CDKN2C: variants seen among roughly 807,000 people sequenced by gnomAD.
The protein encoded by CDKN2C is cyclin-dependent kinase 4 inhibitor C.
Under a neutral mutation model 11.0 loss-of-function variants are expected in CDKN2C, and 5 were observed. That is an observed-to-expected ratio of 0.45 (90% CI 0.24 to 0.95). The LOEUF (loss-of-function observed/expected upper bound fraction) is 0.95, where lower values mean the gene tolerates loss of function less well. Ranked by LOEUF, CDKN2C falls within the 40% of genes least tolerant of loss-of-function variation. The pLI is 0.21. For synonymous variants in CDKN2C, 79 were observed against 88.3 expected (o/e 0.89, Z 0.59); for missense variants, 161 against 211.9 (o/e 0.76, Z 1.49).
In CDKN2C at chr1:50,970,353, G is replaced by A. The variant is rs763757869; in HGVS notation, c.-16G>A. On this transcript the variant is annotated 5_prime_UTR_variant, in exon 1 of 2. Transcript: ENST00000371761. ...ACGACTAATTCATCTTTTCCTGATCGTCAGGACCCTAAAGAATGGCCGAGC... is the reference window on the plus strand; with the variant it reads ...ACGACTAATTCATCTTTTCCTGATCATCAGGACCCTAAAGAATGGCCGAGC... 6.8e-6 allele frequency: 11 copies of A among 1,613,800 alleles called. No homozygotes were observed. Among genetic ancestry groups the A allele is most frequent in the East Asian group, 6.7e-5 (3 of 44,898 alleles).
At chr1:50,960,906 A>G (rs1351972472) in intron 1 of CDKN2C, 2 of 152,190 alleles carry the variant, frequency 1.3e-5, no homozygotes, top group African/African-American at 4.8e-5. Context: ...CCAAAGGGGG[A>G]AAAAAGGGAA....
At chr1:50,967,249 T>G (rs1645351099), upstream of CDKN2C, among the ~76,000 whole-genome samples, 1 of 152,222 alleles carries the variant, frequency 6.6e-6, no homozygotes, top group Non-Finnish European at 1.5e-5. Context: ...TATTATTTAT[T>G]TCTTACTGGT....
At chr1:50,969,119 G>C (rs1028450464), upstream of CDKN2C, 2 of 152,506 alleles carry the variant, frequency 1.3e-5, no homozygotes, top group Non-Finnish European at 2.9e-5. This position sits in a 1 kb window ranked among gnomAD's most constrained non-coding sequence, Gnocchi z 6.6. Flanking sequence ...GTGGCACCGG[G>C]CGCCGAGGCT....
rs2147958570 is a variant in CDKN2C, at chr1:50,974,142, G to A, written c.379G>A (p.Ala127Thr). 6.2e-7 allele frequency: 1 copy of A among 1,614,186 alleles called. No homozygotes were observed. Among genetic ancestry groups the A allele is most frequent in the Non-Finnish European group, 8.5e-7 (1 of 1,180,028 alleles). The change falls in exon 2 of 2, where the codon GCC becomes ACC. Residue 127 changes from alanine to threonine, a missense_variant. Transcript: ENST00000371761. ...RVVEFLVKHTASNVGHRNHKG... is the reference protein window; with the variant it reads ...RVVEFLVKHTTSNVGHRNHKG... ...GGTGGAGTTCCTGGTGAAGCACACG[G>A]CCAGCAATGTGGGGCATCGGAACCA...
intron 1 of CDKN2C, 146 bp downstream of exon 1, chr1:50,970,643 T>C (rs1645374694): frequency 1.2e-6 from 1 of 863,330 alleles, no homozygotes; most frequent in African/African-American, 1.7e-5. Context: ...TATCTTTAAG[T>C]GGATGCAACT....
rs964853618 is a variant in CDKN2C, at chr1:50,974,060, G to A, written c.297G>A (p.Glu99=). ...LLEFQADVNI[E]DNEGNLPLHL... is the part of the protein sequence containing the mutation. ...AGTTTCAAGCTGATGTTAACATCGA[G>A]GATAATGAAGGGAACCTGCCCTTGC... Residue 99 remains glutamate (E), a synonymous_variant, in exon 2 of 2, where the codon GAG becomes GAA. Transcript: ENST00000371761. The A allele has an allele frequency of 2.5e-6, 4 of 1,614,190 alleles. No individual in the cohort carries two copies. Among genetic ancestry groups the A allele is most frequent in the East Asian group, 2.2e-5 (1 of 44,882 alleles).
intron 1 of CDKN2C, among the ~76,000 whole-genome samples, chr1:50,963,279 T>C (rs1645334215): frequency 6.6e-6 from 1 of 152,266 alleles, no homozygotes; most frequent in African/African-American, 2.4e-5. Flanking sequence ...TTCTTGAGAT[T>C]ATAAACCGCT....
At chr1:50,963,913 T>A (rs1352096478) in intron 1 of CDKN2C, among the ~76,000 whole-genome samples, 1 of 152,092 alleles carries the variant, frequency 6.6e-6, no homozygotes, top group South Asian at 2.1e-4. Flanking sequence ...CTAAGTTAAA[T>A]ACAGATCTTT....
chr1:50,966,560 A>G (rs143808317), upstream of CDKN2C, among the ~76,000 whole-genome samples: 1 of 152,146 alleles, frequency 6.6e-6, no homozygotes. Flanking sequence ...GGGTAGAGAT[A>G]CCCTTGAATC....
At chr1:50,972,614 T>C (rs577227941) in intron 1 of CDKN2C, among the ~76,000 whole-genome samples, 2 of 152,224 alleles carry the variant, frequency 1.3e-5, no homozygotes, top group Non-Finnish European at 2.9e-5. Context: ...TCTGAAAATG[T>C]GTGGCATGTT....
upstream of CDKN2C, chr1:50,969,798 C>G (rs1157145962): frequency 1.1e-5 from 2 of 189,088 alleles, no homozygotes; most frequent in Non-Finnish European, 2.2e-5. The surrounding 1 kb of genome is among the most constrained non-coding windows in gnomAD (Gnocchi z 6.6). Context: ...AGCGGAGGAC[C>G]CAGGACTATC....
In CDKN2C at chr1:50,974,041, A is replaced by G. The variant is rs2147958416; in HGVS notation, c.278A>G (p.Gln93Arg). 6.2e-7 allele frequency: 1 copy of G among 1,614,206 alleles called. No homozygotes were observed. The highest frequency in any genetic ancestry group is 8.5e-7 in the Non-Finnish European group (1 of 1,180,024). ...ACTTTACAGACTTTGCTGGAGTTTC[A>G]AGCTGATGTTAACATCGAGGATAAT... The part of the protein sequence containing the change: ...LDTLQTLLEF[Q>R]ADVNIEDNEG... Residue 93 changes from glutamine (Q) to arginine (R), a missense_variant, in exon 2 of 2, where the codon CAA becomes CGA. Transcript: ENST00000371761.
chr1:50,962,218 T>TA (rs1044625172), intron 1 of CDKN2C, among the ~76,000 whole-genome samples: 73 of 152,238 alleles, frequency 4.8e-4, no homozygotes, highest in African/African-American at 1.8e-3. Context: ...CCATCTCTGC[T>TA]AAAAATAATA....
intron 1 of CDKN2C, among the ~76,000 whole-genome samples, chr1:50,961,028 T>G (rs983075811): frequency 2.0e-5 from 3 of 151,702 alleles, no homozygotes; most frequent in African/African-American, 4.8e-5. Context: ...ATTTATTTAT[T>G]TATTTATTTA....
At chr1:50,961,941 A>T (rs1165052406) in intron 1 of CDKN2C, among the ~76,000 whole-genome samples, 1 of 152,284 alleles carries the variant, frequency 6.6e-6, no homozygotes, top group Non-Finnish European at 1.5e-5. Context: ...TTATGATCTG[A>T]GTTTATTCTG....
At chr1:50,972,484 C>T (rs935701859) in intron 1 of CDKN2C, among the ~76,000 whole-genome samples, 9 of 151,686 alleles carry the variant, frequency 5.9e-5, no homozygotes, top group Admixed American at 3.3e-4. Flanking sequence ...AAAGATAGAA[C>T]GACTTTGTAT....
chr1:50,964,063 C>G (rs1294731621), intron 1 of CDKN2C, among the ~76,000 whole-genome samples: 1 of 151,794 alleles, frequency 6.6e-6, no homozygotes, highest in African/African-American at 2.4e-5. Flanking sequence ...ACAGAATGTT[C>G]CTATATGCTT....
chr1:50,964,570 T>C (rs1165439791), intron 1 of CDKN2C, among the ~76,000 whole-genome samples: 1 of 152,194 alleles, frequency 6.6e-6, no homozygotes, highest in African/African-American at 2.4e-5. Context: ...AGTGATTTAG[T>C]GTTGTTTAGG....
At chr1:50,971,304 T>C (rs1243835769) in intron 1 of CDKN2C, among the ~76,000 whole-genome samples, 1 of 152,256 alleles carries the variant, frequency 6.6e-6, no homozygotes, top group East Asian at 1.9e-4. Flanking sequence ...ATAGTTGCTT[T>C]ATCAGAGTTC....
Sources: gnomAD v4.1 joint callset for allele counts (sites outside exome capture counted in the v4.1 genomes callset) on GRCh38, gnomAD v4.1.1 for gene constraint, Gnocchi (gnomAD v3.1) non-coding constraint, MANE v1.5 for transcripts, NCBI Gene and HGNC (gene_info 2026-07-23, HGNC 2026-07-21) for gene names.